The following AUTS2 variants were observed in gnomAD, a reference collection of about 807,000 sequenced individuals.
AUTS2 encodes the protein activator of transcription and developmental regulator AUTS2, also known as autism susceptibility gene 2 protein.
Under a neutral mutation model 112.4 loss-of-function variants are expected in AUTS2, and 17 were observed. The observed-to-expected ratio is 0.15, with a 90% CI of 0.10 to 0.23. The LOEUF is 0.23. AUTS2 is among the 10% of genes least tolerant of loss of function. AUTS2 has a pLI of 1.00. For synonymous variants in AUTS2, 751 were observed against 702.7 expected (o/e 1.07, Z -1.09); for missense variants, 1,510 against 1,701.6 (o/e 0.89, Z 1.98).
intron 5 of AUTS2, among the ~76,000 whole-genome samples, chr7:70,609,972 T>TTGC (rs1803998105): frequency 6.8e-6 from 1 of 147,178 alleles, no homozygotes; most frequent in African/African-American, 2.7e-5. Flanking sequence ...GTTGTTGTTG[T>TTGC]TGTTGTTGTT....
At chr7:69,914,536 G>T (rs1795496719) in intron 2 of AUTS2, among the ~76,000 whole-genome samples, 1 of 151,894 alleles carries the variant, frequency 6.6e-6, no homozygotes. Flanking sequence ...CGTGGACCGT[G>T]TCTGCTGTTC....
intron 5 of AUTS2, among the ~76,000 whole-genome samples, chr7:70,554,831 A>C (rs1387168818): frequency 6.6e-6 from 1 of 152,228 alleles, no homozygotes; most frequent in Non-Finnish European, 1.5e-5. Flanking sequence ...TCCAAGTGGC[A>C]GTCCAGATGG....
intron 2 of AUTS2, among the ~76,000 whole-genome samples, chr7:69,974,572 A>G (rs1373261365): frequency 2.0e-5 from 3 of 152,088 alleles, no homozygotes; most frequent in African/African-American, 2.4e-5. Context: ...GAGAACCACA[A>G]GGGCTGATGT....
chr7:69,708,254 C>G (rs1022113168), intron 1 of AUTS2, among the ~76,000 whole-genome samples: 3 of 152,152 alleles, frequency 2.0e-5, no homozygotes, highest in Admixed American at 2.0e-4. Context: ...CATCATATTG[C>G]TCACCTCCTC....
intron 4 of AUTS2, among the ~76,000 whole-genome samples, chr7:70,266,730 T>TA (rs1043692616): frequency 7.2e-5 from 11 of 152,170 alleles, no homozygotes; most frequent in African/African-American, 2.2e-4. Context: ...TAAAGCTGTT[T>TA]AAAAAAAACC....
intron 6 of AUTS2, among the ~76,000 whole-genome samples, chr7:70,714,534 A>G (rs1435819147): frequency 2.0e-5 from 3 of 152,210 alleles, no homozygotes; most frequent in Non-Finnish European, 4.4e-5. Flanking sequence ...TTGTCCCACA[A>G]GGGGTCATTT....
At chr7:70,691,681 G>A (rs141530118) in intron 5 of AUTS2, among the ~76,000 whole-genome samples, 11 of 152,246 alleles carry the variant, frequency 7.2e-5, no homozygotes, top group African/African-American at 1.7e-4. Flanking sequence ...GCAGGTCACA[G>A]TGGGTGGTGT....
intron 5 of AUTS2, among the ~76,000 whole-genome samples, chr7:70,553,760 C>CTT (rs71531706): frequency 0.016 from 915 of 56,030 alleles, 4 homozygotes; most frequent in East Asian, 0.055. Context: ...GCCTTTCTTT[C>CTT]TTTTTTTTTT....
intron 1 of AUTS2, among the ~76,000 whole-genome samples, chr7:69,790,370 C>T (rs921184497): frequency 6.6e-6 from 1 of 152,066 alleles, no homozygotes; most frequent in Non-Finnish European, 1.5e-5. Context: ...TGTGAATACA[C>T]ATTATGGAGG....
At chr7:70,544,771 C>T (rs1046857200) in intron 5 of AUTS2, among the ~76,000 whole-genome samples, 1 of 152,098 alleles carries the variant, frequency 6.6e-6, no homozygotes, top group Non-Finnish European at 1.5e-5. Flanking sequence ...TAGCAGGTTT[C>T]CCTTGAGATC....
chr7:70,436,727 A>C (rs1197535504), intron 5 of AUTS2: 1 of 152,202 alleles, frequency 6.6e-6, no homozygotes, highest in Non-Finnish European at 1.5e-5. Flanking sequence ...TGCAGTTAGT[A>C]TTTAGTGGGA....
intron 2 of AUTS2, among the ~76,000 whole-genome samples, chr7:70,087,614 C>G (rs920236668): frequency 6.6e-6 from 1 of 151,978 alleles, no homozygotes; most frequent in Admixed American, 6.6e-5. Flanking sequence ...TGTGATCTAC[C>G]CACCTCGGCC....
chr7:70,780,181 T>C (rs1451363755), intron 14 of AUTS2, among the ~76,000 whole-genome samples: 1 of 152,098 alleles, frequency 6.6e-6, no homozygotes, highest in Non-Finnish European at 1.5e-5. Context: ...TCCAAGGCAG[T>C]GTGAAGCCAG....
At chr7:69,886,914 A>G (rs1200467011) in intron 1 of AUTS2, among the ~76,000 whole-genome samples, 2 of 152,048 alleles carry the variant, frequency 1.3e-5, no homozygotes, top group Non-Finnish European at 2.9e-5. Context: ...AGCTGGGACT[A>G]CAGGCATACG....
At chr7:70,103,726 G>A (rs900452079) in intron 2 of AUTS2, among the ~76,000 whole-genome samples, 7 of 151,812 alleles carry the variant, frequency 4.6e-5, no homozygotes, top group African/African-American at 1.7e-4. Context: ...CCAACATGGT[G>A]AAACCCCTAT....
chr7:70,375,005 C>T (rs1409594722), intron 4 of AUTS2, among the ~76,000 whole-genome samples: 1 of 152,146 alleles, frequency 6.6e-6, no homozygotes, highest in East Asian at 1.9e-4. Flanking sequence ...TTACCTGCTC[C>T]TCCTAGGAGT....
At chr7:70,168,108 C>A (rs1808476145) in intron 4 of AUTS2, among the ~76,000 whole-genome samples, 1 of 152,200 alleles carries the variant, frequency 6.6e-6, no homozygotes, top group African/African-American at 2.4e-5. Flanking sequence ...TTGAAGCTTT[C>A]TGATACATTA....
intron 4 of AUTS2, among the ~76,000 whole-genome samples, chr7:70,230,876 A>T (rs1812010277): frequency 6.6e-6 from 1 of 152,258 alleles, no homozygotes; most frequent in South Asian, 2.1e-4. Context: ...CCTTTGTCAT[A>T]GAATTTTCCA....
intron 1 of AUTS2, among the ~76,000 whole-genome samples, chr7:69,880,253 A>G (rs1188154710): frequency 6.6e-6 from 1 of 152,122 alleles, no homozygotes; most frequent in African/African-American, 2.4e-5. Context: ...CAAGGGGGAA[A>G]TCCGTCCCCA....
Sources: allele counts gnomAD v4.1 joint callset (sites outside exome capture counted in the v4.1 genomes callset), GRCh38; gene constraint gnomAD v4.1.1; transcripts MANE v1.5; gene names NCBI Gene and HGNC (gene_info 2026-07-23, HGNC 2026-07-21).